BORA: variants seen among roughly 807,000 people sequenced by gnomAD.
BORA encodes protein aurora borealis.
Under a neutral mutation model 55.8 loss-of-function variants are expected in BORA, and 26 were observed. That is an observed-to-expected ratio of 0.47 (90% CI 0.34 to 0.65). The LOEUF (loss-of-function observed/expected upper bound fraction) is 0.65. BORA is among the 30% of genes least tolerant of loss of function. BORA has a pLI of 0.01. For synonymous variants in BORA, 201 were observed against 216.9 expected, an observed-to-expected ratio of 0.93 and a Z score of 0.64; for missense variants, 568 against 671.5, an observed-to-expected ratio of 0.85 and a Z score of 1.70.
rs763410037 is a variant in BORA, at chr13:72,753,686, T to C, written c.1483-4T>C. ...ATATATTTTTTTCTTTTTTCTCCTG[T>C]CAGATGGATAGTGGCTATAATACGC... On this transcript the variant is annotated splice_region_variant and splice_polypyrimidine_tract_variant and intron_variant, in intron 10 of 11. Transcript: ENST00000390667. The C allele has an allele frequency of 5.1e-5, 82 of 1,604,730 alleles. 1 individual carries two copies. Among genetic ancestry groups the C allele is most frequent in the Non-Finnish European group, 2.1e-5 (25 of 1,176,778 alleles).
chr13:72,748,840 G>A (rs1009341577), intron 10 of BORA, among the ~76,000 whole-genome samples: 11 of 152,236 alleles, frequency 7.2e-5, no homozygotes, highest in African/African-American at 1.2e-4. Context: ...TTTGGAAGCC[G>A]TGGGTAGCAT....
chr13:72,754,567 G>T (rs1409081451), intron 11 of BORA: 1 of 152,136 alleles, frequency 6.6e-6, no homozygotes, highest in Admixed American at 6.6e-5. Context: ...CCTTTCTGTT[G>T]TATGTAGTAG....
At chr13:72,745,538 C>A (rs533029750) in intron 8 of BORA, among the ~76,000 whole-genome samples, 13 of 152,290 alleles carry the variant, frequency 8.5e-5, no homozygotes, top group South Asian at 2.1e-4. Flanking sequence ...TGTTTTAGGT[C>A]AGACTCTTCA....
chr13:72,750,370 G>T lies in BORA; in HGVS notation c.1482+3259G>T, dbSNP rs568678704. Among the ~76,000 whole-genome samples, 3 of 152,300 alleles carry T rather than the reference G, an allele frequency of 2.0e-5. 1 individual carries two copies. The South Asian group carries it at 6.2e-4, about 32-fold the overall frequency. On this transcript the variant is annotated intron_variant, in intron 10 of 11. Coordinates refer to ENST00000390667, the MANE Select transcript of BORA (RefSeq NM_024808.5). ...GTTAAAGAAGAAGTAATGAAATAAC[G>T]TGTGTAGATAACTCTGGAGTTTAGT... is the stretch of plus-strand genomic sequence containing the variant.
chr13:72,745,372 C>G (rs2033119968), intron 8 of BORA, among the ~76,000 whole-genome samples, 165 bp downstream of exon 8: 1 of 152,192 alleles, frequency 6.6e-6, no homozygotes, highest in South Asian at 2.1e-4. Context: ...ACTGGCCTAA[C>G]CAGAAACAGA....
rs539629977 is a variant in BORA at position 72,741,852 on chromosome 13, A to G, written c.389-1685A>G. On this transcript the variant is annotated intron_variant, in intron 5 of 11. Coordinates refer to ENST00000390667, the MANE Select transcript of BORA (RefSeq NM_024808.5). ...GGAGAAAAGGCAGGGAGGAGAGAGCATAAGATAATACCTAGAGATGAGAGA... is the reference window on the plus strand; with the variant it reads ...GGAGAAAAGGCAGGGAGGAGAGAGCGTAAGATAATACCTAGAGATGAGAGA... Among the ~76,000 whole-genome samples the G allele has an allele frequency of 4.6e-5, 7 of 152,338 alleles. No individual in the cohort carries two copies. The South Asian group carries it at 6.2e-4, about 14-fold the overall frequency.
intron 5 of BORA, among the ~76,000 whole-genome samples, chr13:72,739,952 G>A (rs1311531095): frequency 1.3e-5 from 2 of 152,026 alleles, no homozygotes. Flanking sequence ...GCATTGAGGA[G>A]GTCACACAGT....
At chr13:72,739,462 C>T (rs989395898) in intron 5 of BORA, among the ~76,000 whole-genome samples, 8 of 152,302 alleles carry the variant, frequency 5.3e-5, no homozygotes, top group African/African-American at 1.9e-4. Flanking sequence ...TTCTGCACAC[C>T]TTTCATGAAG....
chr13:72,745,293 C>A, intron 8 of BORA, 86 bp downstream of exon 8: 1 of 1,128,296 alleles, frequency 8.9e-7, no homozygotes, highest in Non-Finnish European at 1.3e-6. Context: ...AGGCTTTCAG[C>A]AGCCTGAAGC....
At chr13:72,728,161 C>A (rs2032722606) in intron 1 of BORA, 154 bp downstream of exon 1, 1 of 1,087,786 alleles carries the variant, frequency 9.2e-7, no homozygotes, top group Non-Finnish European at 1.4e-6. Flanking sequence ...AGAGTGGCCA[C>A]GTAGGGTTGG....
chr13:72,736,326 A>G (rs2032926718), intron 4 of BORA, among the ~76,000 whole-genome samples: 1 of 152,158 alleles, frequency 6.6e-6, no homozygotes, highest in Admixed American at 6.5e-5. Flanking sequence ...AAAAGAAAAA[A>G]TATAAAATAA....
intron 2 of BORA, among the ~76,000 whole-genome samples, chr13:72,730,564 A>G (rs1045971342): frequency 1.3e-5 from 2 of 152,168 alleles, no homozygotes; most frequent in South Asian, 2.1e-4. Context: ...GCCACCTCCA[A>G]AGTGACTAAG....
At position 72,755,526 on chromosome 13, in the gene BORA, T is replaced by TA. The variant is rs2033436851; in HGVS notation, c.*312dup. 3 of 370,628 alleles carry TA rather than the reference T, an allele frequency of 8.1e-6. No individual in the cohort carries two copies. In the East Asian group the frequency reaches 1.4e-4, roughly 17 times the overall value. The allele number at this position is 370,628 out of a possible 1,614,324, so 23.0% of individuals were successfully genotyped here. A position where few individuals can be genotyped will look rare whatever the true frequency, so the allele number is the denominator to read the frequency against. Reference sequence around the variant, plus strand: ...CTTACAGGGTCAATGAACTACTTATTAAGCCTTACTGGTAGCACTGAATTT... The same window carrying TA: ...CTTACAGGGTCAATGAACTACTTATTAAAGCCTTACTGGTAGCACTGAATTT... On this transcript the variant is annotated 3_prime_UTR_variant, in exon 12 of 12. Coordinates refer to ENST00000390667, the MANE Select transcript of BORA (RefSeq NM_024808.5).
At chr13:72,742,764 A>G in intron 5 of BORA, among the ~76,000 whole-genome samples, 1 of 38,618 alleles carries the variant, frequency 2.6e-5, no homozygotes, top group Non-Finnish European at 5.7e-5. Context: ...ATATATATAT[A>G]TATACACACA....
At chr13:72,729,192 A>G in intron 2 of BORA, 99 bp downstream of exon 2, 1 of 1,047,582 alleles carries the variant, frequency 9.5e-7, no homozygotes, top group South Asian at 1.9e-5. Context: ...TAAGGAGGAA[A>G]TACATTATGG....
rs75234913 is a variant in BORA, at chr13:72,744,572, T to C, written c.511+11T>C. The C allele has an allele frequency of 9.4e-3, 14,869 of 1,579,800 alleles. 106 individuals are homozygous for C. The highest frequency in any genetic ancestry group is 0.017 in the South Asian group (1,538 of 88,784). Reference sequence around the variant, plus strand: ...TAGAAAATATATTAGGTAAATACTGTATTTGTTTAAACTTTTAATAACTTG... The same window carrying C: ...TAGAAAATATATTAGGTAAATACTGCATTTGTTTAAACTTTTAATAACTTG... On this transcript the variant is annotated intron_variant, in intron 7 of 11. Coordinates refer to ENST00000390667, the MANE Select transcript of BORA (RefSeq NM_024808.5).
rs541813869 is a variant in BORA at position 72,731,509 on chromosome 13, T to C, written c.260+122T>C. On this transcript the variant is annotated intron_variant, in intron 3 of 11. Coordinates refer to ENST00000390667, the MANE Select transcript of BORA (RefSeq NM_024808.5). ...CAGGGAGAAAAAATTTTGATGCAGA[T>C]TTTTTCTATCTAAATGAATGAGTTC... is the stretch of plus-strand genomic sequence containing the variant. The C allele has an allele frequency of 1.8e-3, 1,245 of 710,414 alleles. 3 individuals are homozygous for C. Among genetic ancestry groups the C allele is most frequent in the Non-Finnish European group, 2.2e-3 (935 of 420,488 alleles). The allele number at this position is 710,414 out of a possible 1,614,324, so 44.0% of individuals were successfully genotyped here. A position where few individuals can be genotyped will look rare whatever the true frequency, so the allele number is the denominator to read the frequency against.
intron 5 of BORA, among the ~76,000 whole-genome samples, 178 bp downstream of exon 5, chr13:72,738,221 G>T (rs6562726): frequency 0.99 from 150,125 of 152,196 alleles, 74,075 homozygotes; most frequent in Middle Eastern, 1. Context: ...TTATTGAATT[G>T]TTTTTTAGCT....
intron 5 of BORA, among the ~76,000 whole-genome samples, chr13:72,743,010 G>A (rs895469767): frequency 2.6e-5 from 4 of 152,150 alleles, no homozygotes; most frequent in African/African-American, 4.8e-5. Flanking sequence ...CAGACGGTAG[G>A]GAGGAGGGGT....
Sources: gnomAD v4.1 joint callset for allele counts (sites outside exome capture counted in the v4.1 genomes callset) on GRCh38, gnomAD v4.1.1 for gene constraint, MANE v1.5 for transcripts, NCBI Gene and HGNC (gene_info 2026-07-23, HGNC 2026-07-21) for gene names.